Variants in RUVBL1 observed in about 807,000 individuals in gnomAD.
The protein encoded by RUVBL1 is RuvB like AAA ATPase 1, also known as ruvB-like 1.
RUVBL1 carries 4 observed loss-of-function variants against 52.4 expected under a neutral mutation model. The ratio of observed to expected loss-of-function variants is 0.08; its 90% confidence interval spans 0.04 to 0.17. The LOEUF is 0.17. Ranked by LOEUF, RUVBL1 falls within the 10% of genes least tolerant of loss-of-function variation. The pLI, the probability that RUVBL1 is intolerant of heterozygous loss-of-function variation, is 1.00. For missense variants in RUVBL1, 298 were observed against 572.8 expected (o/e 0.52, Z 4.90); for synonymous variants, 217 against 214.4 (o/e 1.01, Z -0.10).
chr3:128,076,634 T>G (rs966363251), downstream of RUVBL1, among the ~76,000 whole-genome samples: 1 of 151,470 alleles, frequency 6.6e-6, no homozygotes, highest in African/African-American at 2.4e-5. This position sits in a 1 kb window ranked among gnomAD's most constrained non-coding sequence, Gnocchi z 6.8. Flanking sequence ...TGGTCCCTCC[T>G]CCCCCCACCC....
chr3:128,153,689 C>G, exon 1 of RUVBL1: 3 of 1,591,890 alleles, frequency 1.9e-6, no homozygotes, highest in Non-Finnish European at 2.5e-6. Context: ...GTGCCGCTGC[C>G]CGCGCGCCTG....
exon 1 of RUVBL1, chr3:128,153,835 C>G (rs1192101351): frequency 1.3e-6 from 2 of 1,500,218 alleles, no homozygotes; most frequent in South Asian, 2.5e-5. Flanking sequence ...TGAGCGCGGG[C>G]CGGGGCGGGA....
intron 8 of RUVBL1, among the ~76,000 whole-genome samples, chr3:128,089,695 A>G (rs996418113): frequency 6.6e-6 from 1 of 152,190 alleles, no homozygotes; most frequent in Admixed American, 6.5e-5. Context: ...CACCGACAAA[A>G]GAACAAATAT....
chr3:128,073,612 C>T (rs749381601), intron 9 of RUVBL1, among the ~76,000 whole-genome samples: 7 of 152,214 alleles, frequency 4.6e-5, no homozygotes, highest in South Asian at 4.1e-4. Flanking sequence ...ACTCCCCTGC[C>T]CCAATCCCTT....
At position 128,108,404 on chromosome 3, in the gene RUVBL1, A is replaced by T. The variant is rs543100827; in HGVS notation, c.362-3480T>A. Among the ~76,000 whole-genome samples, 215 of 152,330 alleles carry T rather than the reference A, an allele frequency of 1.4e-3. 1 individual carries two copies. The highest frequency in any genetic ancestry group is 5.0e-3 in the African/African-American group (207 of 41,568). On this transcript the variant is annotated intron_variant, in intron 3 of 10. Coordinates refer to ENST00000322623, the MANE Select transcript of RUVBL1 (RefSeq NM_003707.3). ...TTACAAAACAGATGCCAAGGAACTTATCTCTATTTTTCTGAATTTTAAAGC... is the reference window on the plus strand; with the variant it reads ...TTACAAAACAGATGCCAAGGAACTTTTCTCTATTTTTCTGAATTTTAAAGC...
intron 1 of RUVBL1, among the ~76,000 whole-genome samples, chr3:128,146,297 T>C (rs143974946): frequency 5.9e-5 from 9 of 152,284 alleles, no homozygotes; most frequent in African/African-American, 2.2e-4. Flanking sequence ...TATGTGTGTC[T>C]CTGTGCATGT....
exon 1 of RUVBL1, chr3:128,153,357 C>T (rs1944284579): frequency 3.6e-6 from 5 of 1,384,526 alleles, no homozygotes; most frequent in Middle Eastern, 2.7e-4. Flanking sequence ...TCGGCTGTGC[C>T]CGTGAGCCTC....
chr3:128,123,996 G>C (rs994246352), upstream of RUVBL1: 21 of 817,984 alleles, frequency 2.6e-5, no homozygotes, highest in Non-Finnish European at 3.0e-5. Flanking sequence ...GGCTGGGGTC[G>C]GGAGCACAGT....
At chr3:128,075,220 C>G (rs573237783) in intron 9 of RUVBL1, 4 of 152,370 alleles carry the variant, frequency 2.6e-5, no homozygotes, top group South Asian at 4.1e-4. Context: ...GAACACTACA[C>G]TTGATCTTAG....
intron 5 of RUVBL1, 119 bp from the exon 6 acceptor site, chr3:128,100,863 C>T (rs1348795123): frequency 7.8e-6 from 9 of 1,159,654 alleles, no homozygotes; most frequent in Middle Eastern, 2.0e-4. Flanking sequence ...GCCTACTTGA[C>T]AAACTCCAAA....
At chr3:128,113,907 G>C (rs1001982638) in intron 2 of RUVBL1, among the ~76,000 whole-genome samples, 1 of 152,192 alleles carries the variant, frequency 6.6e-6, no homozygotes, top group African/African-American at 2.4e-5. Flanking sequence ...TGAATGAATG[G>C]ATTGTTCATT....
intron 3 of RUVBL1, among the ~76,000 whole-genome samples, chr3:128,106,465 C>A (rs755582996): frequency 2.6e-5 from 4 of 151,920 alleles, no homozygotes; most frequent in Non-Finnish European, 5.9e-5. Flanking sequence ...GTATCCCCCC[C>A]CCCTTCACAC....
At position 128,109,909 on chromosome 3, in the gene RUVBL1, G is replaced by A. The variant is rs1050108269; in HGVS notation, c.361+2979C>T. Among the ~76,000 whole-genome samples, 3 of 132,360 alleles carry A rather than the reference G, an allele frequency of 2.3e-5. No homozygotes were observed. The Admixed American group carries it at 2.7e-4, about 12-fold the overall frequency. 86.8% of individuals were successfully genotyped at this position (132,360 alleles called of 152,430 possible). On this transcript the variant is annotated intron_variant, in intron 3 of 10. Coordinates refer to ENST00000322623, the MANE Select transcript of RUVBL1 (RefSeq NM_003707.3). ...CCACTCACTGTAACCTCCACCTCCC[G>A]GGTTCAAGCAATTCTCCTGCCTCAG...
At position 128,080,901 on chromosome 3, in the gene RUVBL1, T is replaced by G. The variant is rs1393275491; in HGVS notation, c.*349A>C. ...GTAACACGTTAACAAGAAGGGAAACTGGGTACAAGATACATGGGAACTCCC... is the reference window on the plus strand; with the variant it reads ...GTAACACGTTAACAAGAAGGGAAACGGGGTACAAGATACATGGGAACTCCC... On this transcript the variant is annotated 3_prime_UTR_variant, in exon 11 of 11. Coordinates refer to ENST00000322623, the MANE Select transcript of RUVBL1 (RefSeq NM_003707.3). 1 of 210,632 alleles carries G rather than the reference T, an allele frequency of 4.7e-6. No homozygotes were observed. Among genetic ancestry groups the G allele is most frequent in the African/African-American group, 2.3e-5 (1 of 43,772 alleles). 13.0% of individuals were successfully genotyped at this position (210,632 alleles called of 1,614,324 possible). A position where few individuals can be genotyped will look rare whatever the true frequency, so the allele number is the denominator to read the frequency against.
At chr3:128,092,739 A>G (rs1197926950) in intron 8 of RUVBL1, among the ~76,000 whole-genome samples, 1 of 152,262 alleles carries the variant, frequency 6.6e-6, no homozygotes, top group Non-Finnish European at 1.5e-5. Flanking sequence ...ACCTTCGTCC[A>G]TTGCTGGTAG....
At chr3:128,136,623 C>CAAAA (rs56097921) in intron 1 of RUVBL1, among the ~76,000 whole-genome samples, 2 of 112,188 alleles carry the variant, frequency 1.8e-5, no homozygotes, top group Admixed American at 9.7e-5. Context: ...GAGACCCTGT[C>CAAAA]AAAAAAAAAA....
At chr3:128,096,249 A>C (rs1348158895) in intron 8 of RUVBL1, among the ~76,000 whole-genome samples, 1 of 152,138 alleles carries the variant, frequency 6.6e-6, no homozygotes, top group Non-Finnish European at 1.5e-5. Context: ...AAACCAAAAG[A>C]GCAATAAAAC....
At chr3:128,119,592 A>G (rs1487655444) in intron 1 of RUVBL1, among the ~76,000 whole-genome samples, 178 bp from the exon 2 acceptor site, 1 of 152,238 alleles carries the variant, frequency 6.6e-6, no homozygotes, top group East Asian at 1.9e-4. Flanking sequence ...AAAGCCTTGT[A>G]CTTGTGGAGC....
intron 3 of RUVBL1, among the ~76,000 whole-genome samples, chr3:128,105,313 G>C (rs1306634702): frequency 2.0e-5 from 3 of 151,422 alleles, no homozygotes; most frequent in Admixed American, 2.0e-4. Flanking sequence ...GTAGGGACAG[G>C]GTTTCACCAT....
Sources: gnomAD v4.1 joint callset for allele counts (sites outside exome capture counted in the v4.1 genomes callset) on GRCh38, gnomAD v4.1.1 for gene constraint, Gnocchi (gnomAD v3.1) non-coding constraint, MANE v1.5 for transcripts, NCBI Gene and HGNC (gene_info 2026-07-23, HGNC 2026-07-21) for gene names.